Variants in SYNPR observed in about 807,000 individuals in gnomAD.
The protein encoded by SYNPR is synaptoporin.
In SYNPR, 23 loss-of-function variants were observed where a neutral mutation model predicts 32.9. The ratio of observed to expected loss-of-function variants is 0.70; its 90% CI spans 0.50 to 0.99. SYNPR has a LOEUF of 0.99. SYNPR is among the 50% of genes least tolerant of loss of function. The pLI, the probability that SYNPR is intolerant of heterozygous loss-of-function variation, is 0.00. For synonymous variants in SYNPR, 146 were observed against 135.9 expected (o/e 1.07, Z -0.52); for missense variants, 318 against 349.3 (o/e 0.91, Z 0.71).
At chr3:63,409,798 T>A (rs1284128707) in intron 2 of SYNPR, among the ~76,000 whole-genome samples, 1 of 152,190 alleles carries the variant, frequency 6.6e-6, no homozygotes, top group African/African-American at 2.4e-5. Context: ...AAGCTCTCTT[T>A]TTGAGCACTG....
At chr3:63,439,416 T>C (rs1003466450) in intron 2 of SYNPR, among the ~76,000 whole-genome samples, 1 of 152,234 alleles carries the variant, frequency 6.6e-6, no homozygotes, top group Non-Finnish European at 1.5e-5. Flanking sequence ...TATCACTTTA[T>C]TTTTGTCAGT....
chr3:63,307,205 G>A, intron 2 of SYNPR, among the ~76,000 whole-genome samples: 1 of 151,978 alleles, frequency 6.6e-6, no homozygotes, highest in South Asian at 2.1e-4. Flanking sequence ...GACCCAGAGG[G>A]TAAGTTATTC....
intron 1 of SYNPR, among the ~76,000 whole-genome samples, chr3:63,235,968 A>G (rs916927916): frequency 3.3e-5 from 5 of 151,754 alleles, no homozygotes; most frequent in Non-Finnish European, 7.4e-5. Context: ...AGATTTTCTT[A>G]TATTTTTTTC....
chr3:63,380,533 T>G (rs967164302), intron 2 of SYNPR, among the ~76,000 whole-genome samples: 2 of 152,202 alleles, frequency 1.3e-5, no homozygotes, highest in African/African-American at 4.8e-5. Context: ...TTTGATGGTG[T>G]TGTTTGTTTT....
chr3:63,597,799 A>G (rs1299533754), intron 4 of SYNPR, among the ~76,000 whole-genome samples: 1 of 152,220 alleles, frequency 6.6e-6, no homozygotes, highest in African/African-American at 2.4e-5. Context: ...GTCAGTTGTC[A>G]TTATTATTAA....
At chr3:63,418,470 G>A (rs979649256) in intron 2 of SYNPR, among the ~76,000 whole-genome samples, 1 of 152,102 alleles carries the variant, frequency 6.6e-6, no homozygotes, top group Non-Finnish European at 1.5e-5. Context: ...ACATTTTTGG[G>A]TATTTTTACA....
At chr3:63,262,027 TAA>T (rs5849542) in intron 2 of SYNPR, among the ~76,000 whole-genome samples, 31 of 149,176 alleles carry the variant, frequency 2.1e-4, no homozygotes, top group Middle Eastern at 6.8e-3. Flanking sequence ...TTAAGTATAA[TAA>T]AAAAAAAAAC....
intron 2 of SYNPR, among the ~76,000 whole-genome samples, chr3:63,391,163 GC>G (rs1454111393): frequency 6.6e-6 from 1 of 152,156 alleles, no homozygotes; most frequent in Non-Finnish European, 1.5e-5. Context: ...CAGGGCCTTA[GC>G]CAGGCTTGAG....
At chr3:63,586,260 T>C (rs1385655530) in intron 4 of SYNPR, among the ~76,000 whole-genome samples, 1 of 151,680 alleles carries the variant, frequency 6.6e-6, no homozygotes, top group East Asian at 1.9e-4. Context: ...ACTGTGTAAA[T>C]GCCGCTTGCT....
intron 2 of SYNPR, among the ~76,000 whole-genome samples, chr3:63,258,569 G>A (rs2086408798): frequency 6.6e-6 from 1 of 152,188 alleles, no homozygotes; most frequent in African/African-American, 2.4e-5. Context: ...CATATTCAAA[G>A]CAGTGCGTAG....
chr3:63,553,202 C>A (rs1702533350), intron 3 of SYNPR, among the ~76,000 whole-genome samples: 1 of 152,152 alleles, frequency 6.6e-6, no homozygotes, highest in African/African-American at 2.4e-5. Flanking sequence ...TGGTTTTCTG[C>A]CCCTGCCTTA....
chr3:63,252,646 G>C (rs550391976), intron 2 of SYNPR: 1 of 152,270 alleles, frequency 6.6e-6, no homozygotes, highest in African/African-American at 2.4e-5. Context: ...GATTTGAAAA[G>C]CTGCACAAAA....
At chr3:63,479,103 T>C (rs1163308942) in intron 2 of SYNPR, among the ~76,000 whole-genome samples, 5 of 152,174 alleles carry the variant, frequency 3.3e-5, no homozygotes, top group Non-Finnish European at 5.9e-5. Context: ...GAATGCTTCA[T>C]CAAATCCTGT....
At chr3:63,577,745 G>T (rs1703010360) in intron 4 of SYNPR, among the ~76,000 whole-genome samples, 1 of 152,088 alleles carries the variant, frequency 6.6e-6, no homozygotes, top group Non-Finnish European at 1.5e-5. Context: ...GTAGTGCATG[G>T]ATACATTCTG....
intron 2 of SYNPR, among the ~76,000 whole-genome samples, chr3:63,332,312 AC>A (rs540507467): frequency 8.9e-4 from 136 of 152,050 alleles, no homozygotes; most frequent in African/African-American, 3.1e-3. Context: ...GTGCTCTGCC[AC>A]CCTCCATCCT....
intron 1 of SYNPR, among the ~76,000 whole-genome samples, chr3:63,229,720 AT>A (rs2086153286): frequency 6.6e-6 from 1 of 152,046 alleles, no homozygotes; most frequent in Non-Finnish European, 1.5e-5. Flanking sequence ...TATTATTATT[AT>A]TCACTCAATA....
chr3:63,391,123 G>C (rs919594185), intron 2 of SYNPR, among the ~76,000 whole-genome samples: 2 of 152,182 alleles, frequency 1.3e-5, no homozygotes, highest in Non-Finnish European at 2.9e-5. Context: ...TCTAGGGATA[G>C]CTCTTCCTGG....
At chr3:63,295,953 G>A (rs983117216) in intron 2 of SYNPR, among the ~76,000 whole-genome samples, 2 of 152,170 alleles carry the variant, frequency 1.3e-5, no homozygotes, top group African/African-American at 4.8e-5. Flanking sequence ...CCTCTCCCAG[G>A]TTGGTTAGCC....
At chr3:63,363,929 G>A (rs1272191653) in intron 2 of SYNPR, among the ~76,000 whole-genome samples, 1 of 152,112 alleles carries the variant, frequency 6.6e-6, no homozygotes, top group Non-Finnish European at 1.5e-5. Flanking sequence ...TAATGAGGAA[G>A]AATATTAAGT....
Sources: gnomAD v4.1 joint callset for allele counts (sites outside exome capture counted in the v4.1 genomes callset) on GRCh38, gnomAD v4.1.1 for gene constraint, MANE v1.5 for transcripts, NCBI Gene and HGNC (gene_info 2026-07-23, HGNC 2026-07-21) for gene names.